RP1: variants seen among roughly 807,000 people sequenced by gnomAD.
RP1 encodes the protein oxygen-regulated protein 1.
Under a neutral mutation model 14.8 loss-of-function variants are expected in RP1, and 16 were observed. The ratio of observed to expected loss-of-function variants is 1.08; its 90% confidence interval spans 0.73 to 1.65. The LOEUF (loss-of-function observed/expected upper bound fraction) is 1.65, where lower values mean the gene tolerates loss of function less well. Among genes scored for constraint, RP1 ranks in the 40% most tolerant of loss-of-function variants. The probability of loss-of-function intolerance (pLI) is 0.00; values close to 1 mark genes in which losing one functional copy is unlikely to be tolerated. For missense variants in RP1, 2,631 were observed against 2,535.0 expected, an observed-to-expected ratio of 1.04 and a Z score of -0.81; for synonymous variants, 876 against 883.6, an observed-to-expected ratio of 0.99 and a Z score of 0.15.
intron 21 of RP1, chr8:54,755,841 T>C: frequency 7.4e-7 from 1 of 1,346,656 alleles, no homozygotes; most frequent in Non-Finnish European, 9.7e-7. Context: ...GATTTAAAAT[T>C]TAAAAGGCGT....
intron 24 of RP1, among the ~76,000 whole-genome samples, chr8:54,806,331 C>A (rs1810852446): frequency 1.3e-5 from 2 of 151,568 alleles, no homozygotes; most frequent in African/African-American, 4.8e-5. Context: ...TTTTTTTTAA[C>A]CTCAGCATAG....
intron 9 of RP1, chr8:54,678,647 G>T: frequency 3.7e-6 from 3 of 818,334 alleles, no homozygotes; most frequent in Admixed American, 2.8e-5. Context: ...AGTCTTTGTT[G>T]GGTAACTTTT....
At chr8:54,710,951 C>T (rs1214110710) in intron 15 of RP1, among the ~76,000 whole-genome samples, 2 of 152,186 alleles carry the variant, frequency 1.3e-5, no homozygotes, top group Non-Finnish European at 2.9e-5. Context: ...TCACTTTGGG[C>T]TGTGGGTTTC....
At chr8:54,652,171 C>A (rs1806669019) in intron 4 of RP1, among the ~76,000 whole-genome samples, 1 of 152,128 alleles carries the variant, frequency 6.6e-6, no homozygotes. Context: ...ACACGCCCAG[C>A]TAATTTTTGT....
chr8:54,695,114 A>G (rs1807826781), intron 12 of RP1, among the ~76,000 whole-genome samples: 1 of 152,012 alleles, frequency 6.6e-6, no homozygotes, highest in African/African-American at 2.4e-5. Context: ...TTCAGTTTCC[A>G]TGTAGTTGAG....
intron 1 of RP1, among the ~76,000 whole-genome samples, chr8:54,601,878 G>C (rs747101822): frequency 1.4e-4 from 21 of 152,160 alleles, no homozygotes; most frequent in Non-Finnish European, 2.2e-4. Flanking sequence ...GTTCAAAATA[G>C]GCAAATCCAT....
At chr8:54,808,382 T>C (rs955084200) in intron 24 of RP1, among the ~76,000 whole-genome samples, 3 of 152,218 alleles carry the variant, frequency 2.0e-5, no homozygotes, top group African/African-American at 7.2e-5. Flanking sequence ...ATCCCTCAAG[T>C]GCCCAGAGTG....
upstream of RP1, among the ~76,000 whole-genome samples, chr8:54,612,475 A>G (rs555399993): frequency 2.6e-5 from 4 of 152,234 alleles, no homozygotes; most frequent in Admixed American, 6.5e-5. Context: ...GCATTCAGAT[A>G]TACTTCAGAG....
intron 24 of RP1, among the ~76,000 whole-genome samples, chr8:54,791,512 A>C (rs1810465226): frequency 6.6e-6 from 1 of 152,196 alleles, no homozygotes; most frequent in Admixed American, 6.5e-5. Context: ...AAAATGTATT[A>C]AAAATAACTA....
intron 24 of RP1, chr8:54,783,719 G>T: frequency 8.1e-7 from 1 of 1,227,572 alleles, no homozygotes; most frequent in Non-Finnish European, 1.0e-6. Context: ...AGGTAAAAAT[G>T]ATACAGCTAT....
chr8:54,830,526 T>A (rs184986031), intron 24 of RP1, among the ~76,000 whole-genome samples: 1 of 152,274 alleles, frequency 6.6e-6, no homozygotes, highest in Non-Finnish European at 1.5e-5. Flanking sequence ...TCTTATGCTT[T>A]GTGTTTTCTT....
intron 24 of RP1, among the ~76,000 whole-genome samples, chr8:54,811,848 C>T (rs994922435): frequency 1.3e-5 from 2 of 152,232 alleles, no homozygotes; most frequent in Non-Finnish European, 2.9e-5. Flanking sequence ...GCTGAAAGCT[C>T]ACTTACCGCA....
At chr8:54,776,812 C>T (rs1465473350) in intron 23 of RP1, among the ~76,000 whole-genome samples, 1 of 152,188 alleles carries the variant, frequency 6.6e-6, no homozygotes, top group African/African-American at 2.4e-5. Flanking sequence ...CTGTCACACT[C>T]TCCTCCCTGT....
In RP1 at chr8:54,854,931, A is replaced by C. The variant is rs530683518; in HGVS notation, c.3991-2097A>C. Among the ~76,000 whole-genome samples the C allele has an allele frequency of 1.0e-3, 154 of 152,266 alleles. 1 individual carries two copies. The highest frequency in any genetic ancestry group is 1.6e-3 in the Non-Finnish European group (112 of 68,018). Reference sequence around the variant, plus strand: ...ACATAACCTAAAATTTATTTTAACCATTTTGAAGTATAATTTTCTTACAGT... The same window carrying C: ...ACATAACCTAAAATTTATTTTAACCCTTTTGAAGTATAATTTTCTTACAGT... On this transcript the variant is annotated intron_variant, in intron 26 of 28. Transcript: ENST00000637698.
chr8:54,766,425 C>T (rs1019049481), intron 22 of RP1, among the ~76,000 whole-genome samples: 1 of 151,934 alleles, frequency 6.6e-6, no homozygotes, highest in Non-Finnish European at 1.5e-5. Flanking sequence ...TGTATTTGTG[C>T]TGCTGCAGAT....
chr8:54,618,578 C>T (rs778725039), intron 1 of RP1, among the ~76,000 whole-genome samples: 18 of 152,082 alleles, frequency 1.2e-4, no homozygotes, highest in South Asian at 2.1e-4. Flanking sequence ...TATTCATGTA[C>T]GATATTTTCA....
At chr8:54,855,831 T>C (rs542756750) in intron 26 of RP1, among the ~76,000 whole-genome samples, 4 of 152,190 alleles carry the variant, frequency 2.6e-5, no homozygotes, top group African/African-American at 9.6e-5. Context: ...TTAAAAAGAA[T>C]AACAATAAAT....
chr8:54,805,291 A>G (rs1394935968), intron 24 of RP1, among the ~76,000 whole-genome samples: 1 of 152,212 alleles, frequency 6.6e-6, no homozygotes, highest in Non-Finnish European at 1.5e-5. Flanking sequence ...ATGCCTGGCT[A>G]TCTATTTATT....
intron 1 of RP1, among the ~76,000 whole-genome samples, chr8:54,564,908 A>G (rs930389482): frequency 1.3e-5 from 2 of 152,214 alleles, no homozygotes; most frequent in African/African-American, 4.8e-5. Context: ...ACTGTGCCCA[A>G]CTAATTTATT....
Sources: gnomAD v4.1 joint callset for allele counts (sites outside exome capture counted in the v4.1 genomes callset) on GRCh38, gnomAD v4.1.1 for gene constraint, MANE v1.5 for transcripts, NCBI Gene and HGNC (gene_info 2026-07-23, HGNC 2026-07-21) for gene names.